The following WFDC9 variants were observed in gnomAD, a reference collection of about 807,000 sequenced individuals.
The protein encoded by WFDC9 is WAP four-disulfide core domain 9, also known as protein WFDC9.
Under a neutral mutation model 9.5 loss-of-function variants are expected in WFDC9, and 9 were observed. The ratio of observed to expected loss-of-function variants is 0.95; its 90% CI spans 0.57 to 1.65. The LOEUF is 1.65. Among genes scored for constraint, WFDC9 ranks in the 40% most tolerant of loss-of-function variants. WFDC9 has a pLI of 0.00. For synonymous variants in WFDC9, 33 were observed against 32.3 expected, an observed-to-expected ratio of 1.02 and a Z score of -0.07; for missense variants, 87 against 106.7, an observed-to-expected ratio of 0.82 and a Z score of 0.81.
intron 1 of WFDC9, among the ~76,000 whole-genome samples, chr20:45,628,886 T>C (rs947720735): frequency 6.6e-6 from 1 of 152,216 alleles, no homozygotes; most frequent in Non-Finnish European, 1.5e-5. Flanking sequence ...GACCCTAGGT[T>C]GTCCCCTCTT....
intron 1 of WFDC9, among the ~76,000 whole-genome samples, chr20:45,624,185 CTG>C (rs910364506): frequency 1.3e-5 from 2 of 152,154 alleles, no homozygotes; most frequent in African/African-American, 4.8e-5. Context: ...GAGCAAGACT[CTG>C]TCTCAAAAAA....
At chr20:45,611,968 C>T (rs1230395850) in intron 2 of WFDC9, among the ~76,000 whole-genome samples, 2 of 152,136 alleles carry the variant, frequency 1.3e-5, no homozygotes, top group African/African-American at 4.8e-5. Flanking sequence ...ATCCCAACCC[C>T]ACCAACTCCT....
intron 2 of WFDC9, among the ~76,000 whole-genome samples, chr20:45,610,785 T>G (rs1311276026): frequency 6.6e-6 from 1 of 152,214 alleles, no homozygotes; most frequent in Non-Finnish European, 1.5e-5. Context: ...TTTAATGCAC[T>G]AAGATGGTCC....
chr20:45,630,856 A>G (rs535770720), intron 1 of WFDC9: 2 of 1,588,094 alleles, frequency 1.3e-6, no homozygotes, highest in African/African-American at 1.4e-5. Flanking sequence ...TTACCGTTCT[A>G]TTCTCCTTGT....
intron 3 of WFDC9, among the ~76,000 whole-genome samples, chr20:45,609,788 G>C (rs1981820479): frequency 6.6e-6 from 1 of 152,114 alleles, no homozygotes; most frequent in African/African-American, 2.4e-5. Flanking sequence ...CTGAAAATAT[G>C]GGCTTGGAGG....
At position 45,631,223 on chromosome 20, in the gene WFDC9, A is replaced by G. The variant is rs978530529; in HGVS notation, c.-173T>C. 28 of 456,766 alleles carry G rather than the reference A, an allele frequency of 6.1e-5. No homozygotes were observed. Among genetic ancestry groups the G allele is most frequent in the African/African-American group, 4.7e-4 (23 of 49,452 alleles). 28.3% of individuals were successfully genotyped at this position (456,766 alleles called of 1,614,324 possible). ...CCTACCTCTTTTGCTGCCACTACAG[A>G]TGATCATTGAGAGCTCACTGTGGCC... is the stretch of plus-strand genomic sequence containing the variant. On this transcript the variant is annotated 5_prime_UTR_variant, in exon 1 of 5. Coordinates refer to ENST00000326000, the MANE Select transcript of WFDC9 (RefSeq NM_147198.4).
In WFDC9 at chr20:45,630,977, T is replaced by C. The variant is rs1050148237; in HGVS notation, c.-153+226A>G. ...AGATTGTCAAGCAAATAACATATGC[T>C]GTTCTACCTACTGTGGGAATGTTTG... On this transcript the variant is annotated intron_variant, in intron 1 of 4. Transcript: ENST00000326000. 1.2e-6 allele frequency: 2 copies of C among 1,610,242 alleles called. No homozygotes were observed. The highest frequency in any genetic ancestry group is 1.7e-5 in the Admixed American group (1 of 59,456).
rs57034992 is a variant in WFDC9 at position 45,607,943 on chromosome 20, G to A, written c.*167C>T. 4 of 779,328 alleles carry A rather than the reference G, an allele frequency of 5.1e-6. No individual in the cohort carries two copies. The highest frequency in any genetic ancestry group is 8.8e-6 in the Non-Finnish European group (4 of 456,282). The allele number at this position is 779,328 out of a possible 1,614,324, so 48.3% of individuals were successfully genotyped here. A position where few individuals can be genotyped will look rare whatever the true frequency, so the allele number is the denominator to read the frequency against. ...AAAAAAAAATATGCAGAGCCCTCAGGTTGATGTAGCAGTTTATTTGACAAA... is the reference window on the plus strand; with the variant it reads ...AAAAAAAAATATGCAGAGCCCTCAGATTGATGTAGCAGTTTATTTGACAAA... On this transcript the variant is annotated 3_prime_UTR_variant, in exon 5 of 5. Coordinates refer to ENST00000326000, the MANE Select transcript of WFDC9 (RefSeq NM_147198.4).
chr20:45,626,661 A>T (rs1982225615), intron 1 of WFDC9, among the ~76,000 whole-genome samples: 1 of 152,128 alleles, frequency 6.6e-6, no homozygotes, highest in African/African-American at 2.4e-5. Context: ...GAATTTCTTT[A>T]TGAGTTCTAC....
At chr20:45,630,758 C>A in intron 1 of WFDC9, 2 of 1,202,552 alleles carry the variant, frequency 1.7e-6, no homozygotes, top group Non-Finnish European at 2.2e-6. Flanking sequence ...AAGAAGGAAT[C>A]CAGGAGTATC....
At chr20:45,630,708 A>C (rs1477253393) in intron 1 of WFDC9, among the ~76,000 whole-genome samples, 1 of 152,034 alleles carries the variant, frequency 6.6e-6, no homozygotes, top group East Asian at 1.9e-4. Flanking sequence ...AATATGACCA[A>C]TCACTAGGAT....
chr20:45,631,169 CAAAT>C, intron 1 of WFDC9, 30 bp downstream of exon 1: 2 of 828,236 alleles, frequency 2.4e-6, no homozygotes, highest in Non-Finnish European at 3.4e-6. Flanking sequence ...TTGTCCCTGT[CAAAT>C]AAACCAGAAC....
At chr20:45,622,982 C>G (rs1344965776) in intron 1 of WFDC9, among the ~76,000 whole-genome samples, 1 of 152,016 alleles carries the variant, frequency 6.6e-6, no homozygotes, top group Non-Finnish European at 1.5e-5. Flanking sequence ...AAACCTAAAA[C>G]AGTTTAGGTT....
At chr20:45,630,587 A>G (rs1982339232) in intron 1 of WFDC9, among the ~76,000 whole-genome samples, 2 of 152,174 alleles carry the variant, frequency 1.3e-5, no homozygotes, top group African/African-American at 2.4e-5. Context: ...CACCAAGGCC[A>G]TGACTAGTAA....
intron 2 of WFDC9, 134 bp from the exon 3 acceptor site, chr20:45,610,373 T>G: frequency 2.1e-6 from 1 of 470,712 alleles, no homozygotes; most frequent in Admixed American, 3.8e-5. Context: ...GCCAGTGACT[T>G]CCCCAGGTTT....
At chr20:45,630,233 C>T (rs942991312) in intron 1 of WFDC9, among the ~76,000 whole-genome samples, 3 of 131,310 alleles carry the variant, frequency 2.3e-5, no homozygotes, top group African/African-American at 8.7e-5. Context: ...GATTTATGCA[C>T]ATTTGTGAGG....
intron 1 of WFDC9, among the ~76,000 whole-genome samples, chr20:45,619,388 GA>G (rs1418202374): frequency 6.6e-6 from 1 of 152,140 alleles, no homozygotes; most frequent in Non-Finnish European, 1.5e-5. Flanking sequence ...TGCAGTATCT[GA>G]AATACTGTAT....
chr20:45,628,009 T>C (rs2145603432), intron 1 of WFDC9, among the ~76,000 whole-genome samples: 1 of 152,286 alleles, frequency 6.6e-6, no homozygotes, highest in South Asian at 2.1e-4. Context: ...ATGTTCAAAT[T>C]ACCCATCTCT....
intron 1 of WFDC9, among the ~76,000 whole-genome samples, chr20:45,630,695 T>TA (rs1377356526): frequency 4.0e-5 from 6 of 151,894 alleles, no homozygotes; most frequent in African/African-American, 1.5e-4. Context: ...AGACAGGATT[T>TA]AAAATATGAC....
Sources: allele counts gnomAD v4.1 joint callset (sites outside exome capture counted in the v4.1 genomes callset), GRCh38; gene constraint gnomAD v4.1.1; transcripts MANE v1.5; gene names NCBI Gene and HGNC (gene_info 2026-07-23, HGNC 2026-07-21).